DIXDC1: variants seen among roughly 807,000 people sequenced by gnomAD.
DIXDC1 encodes the protein dixin.
In DIXDC1, 64 loss-of-function variants were observed where a neutral mutation model predicts 103.1. That is an observed-to-expected ratio of 0.62 (90% CI 0.51 to 0.76). The LOEUF is 0.76. Ranked by LOEUF, DIXDC1 falls within the 30% of genes least tolerant of loss-of-function variation. DIXDC1 has a pLI of 0.00. For synonymous variants in DIXDC1, 266 were observed against 298.5 expected (o/e 0.89, Z 1.12); for missense variants, 759 against 834.2 (o/e 0.91, Z 1.11).
chr11:111,978,159 T>G (rs1329166034), intron 5 of DIXDC1, among the ~76,000 whole-genome samples: 13 of 152,182 alleles, frequency 8.5e-5, no homozygotes, highest in African/African-American at 2.9e-4. Context: ...CTATTAGACC[T>G]GTGGGAATTA....
chr11:112,008,758 T>C (rs902242069), intron 17 of DIXDC1, among the ~76,000 whole-genome samples: 1 of 152,068 alleles, frequency 6.6e-6, no homozygotes, highest in Non-Finnish European at 1.5e-5. Context: ...TTGAAACCAA[T>C]GAGAACAAAG....
At chr11:112,004,090 G>GTATA (rs200194840) in intron 17 of DIXDC1, among the ~76,000 whole-genome samples, 1 of 145,634 alleles carries the variant, frequency 6.9e-6, no homozygotes, top group African/African-American at 2.6e-5. Flanking sequence ...GTGTATATGT[G>GTATA]TATATATATG....
At chr11:112,013,797 A>G (rs1214243953) in intron 17 of DIXDC1, among the ~76,000 whole-genome samples, 4 of 152,134 alleles carry the variant, frequency 2.6e-5, no homozygotes, top group Non-Finnish European at 5.9e-5. Flanking sequence ...TGTTGCCATA[A>G]AGGAATACCT....
chr11:111,967,855 G>A (rs782820278), intron 2 of DIXDC1, among the ~76,000 whole-genome samples: 5 of 152,278 alleles, frequency 3.3e-5, no homozygotes, highest in South Asian at 2.1e-4. Context: ...AGAAAGCCCC[G>A]CCTGCCCTGG....
chr11:111,979,416 GGTGATA>G (rs747224219), intron 5 of DIXDC1, among the ~76,000 whole-genome samples: 182 of 152,270 alleles, frequency 1.2e-3, no homozygotes, highest in Non-Finnish European at 2.0e-3. Flanking sequence ...CTGTTGTCTG[GGTGATA>G]GATTTGGAAA....
rs979024246 is a variant in DIXDC1, at chr11:111,958,950, C to A, written c.61-5599C>A. The stretch of plus-strand genomic sequence containing the variant: ...AAAACCAGCCAAGGAGAAGAGCTAC[C>A]CACTCCAGGGTCTTCACTCTGCTGA... On this transcript the variant is annotated intron_variant, in intron 1 of 19. Transcript: ENST00000440460. The surrounding 1 kb of genome is among the most constrained non-coding windows in gnomAD (Gnocchi z 4.2). Among the ~76,000 whole-genome samples the A allele has an allele frequency of 1.4e-4, 21 of 152,126 alleles. No homozygotes were observed. Among genetic ancestry groups the A allele is most frequent in the African/African-American group, 5.1e-4 (21 of 41,426 alleles).
Position 111,974,953 on chromosome 11 carries a change from A to G in DIXDC1, c.626A>G (p.Gln209Arg). ...CTAGTGCAGCAGTACGAAGGGCAAC[A>G]AAGGTCCCCGTCTGAATCCAGCTGC... ...RALVQQYEGQQRSPSESSCSS... is the reference protein window; with the variant it reads ...RALVQQYEGQRRSPSESSCSS... Residue 209 changes from glutamine (Q) to arginine (R), a missense_variant, in exon 5 of 20, where the codon CAA becomes CGA. By Grantham distance (43) the Gln-to-Arg change is conservative. Coordinates refer to ENST00000440460, the MANE Select transcript of DIXDC1 (RefSeq NM_001037954.4). The G allele has an allele frequency of 6.2e-7, 1 of 1,613,262 alleles. No individual in the cohort carries two copies. The highest frequency in any genetic ancestry group is 8.5e-7 in the Non-Finnish European group (1 of 1,179,730).
At position 112,022,452 on chromosome 11, in the gene DIXDC1, C is replaced by G. The variant is rs1329977471; in HGVS notation, c.*3416C>G. 1 of 152,604 alleles carries G rather than the reference C, an allele frequency of 6.6e-6. No homozygotes were observed. Among genetic ancestry groups the G allele is most frequent in the Non-Finnish European group, 1.5e-5 (1 of 68,026 alleles). 9.5% of individuals were successfully genotyped at this position (152,604 alleles called of 1,614,324 possible). A position where few individuals can be genotyped will look rare whatever the true frequency, so the allele number is the denominator to read the frequency against. On this transcript the variant is annotated 3_prime_UTR_variant, in exon 20 of 20. Coordinates refer to ENST00000440460, the MANE Select transcript of DIXDC1 (RefSeq NM_001037954.4). This position sits in a 1 kb window ranked among gnomAD's most constrained non-coding sequence, Gnocchi z 4.9. ...TTCTCCCTGTTTTACAATATGTTTT[C>G]ATGAAGACTATGTTACACCAGAGGC...
At chr11:111,942,117 CT>C (rs1966440490) in intron 1 of DIXDC1, among the ~76,000 whole-genome samples, 1 of 152,198 alleles carries the variant, frequency 6.6e-6, no homozygotes, top group Admixed American at 6.5e-5. Flanking sequence ...CCCCAACCTT[CT>C]TTTTTCTATC....
At position 111,980,722 on chromosome 11, in the gene DIXDC1, T is replaced by G. The variant is rs1860268726; in HGVS notation, c.657-15T>G. The G allele has an allele frequency of 6.2e-7, 1 of 1,603,558 alleles. No homozygotes were observed. Among genetic ancestry groups the G allele is most frequent in the Non-Finnish European group, 8.5e-7 (1 of 1,172,946 alleles). Reference sequence around the variant, plus strand: ...TTCATAATAATCGTTTTTCTTCCTTTTTCTTCAATCACAGCCTGACTTCAC... The same window carrying G: ...TTCATAATAATCGTTTTTCTTCCTTGTTCTTCAATCACAGCCTGACTTCAC... On this transcript the variant is annotated splice_polypyrimidine_tract_variant and intron_variant, in intron 5 of 19. Transcript: ENST00000440460.
At chr11:111,943,391 G>T (rs1379259492) in intron 1 of DIXDC1, among the ~76,000 whole-genome samples, 3 of 151,680 alleles carry the variant, frequency 2.0e-5, no homozygotes, top group African/African-American at 7.3e-5. Context: ...TGATCCACCT[G>T]CCTCAGCCTC....
intron 1 of DIXDC1, among the ~76,000 whole-genome samples, chr11:111,938,266 T>A (rs1966289302): frequency 6.6e-6 from 1 of 152,176 alleles, no homozygotes; most frequent in African/African-American, 2.4e-5. Context: ...CAATTCTGTT[T>A]ATTGCATTTG....
rs782713707 is a variant in DIXDC1 at position 112,017,820 on chromosome 11, C to T, written c.1906C>T (p.Arg636Trp). The T allele has an allele frequency of 1.5e-5, 24 of 1,611,428 alleles. No individual in the cohort carries two copies. In the South Asian group the frequency reaches 2.1e-4, roughly 14 times the overall value. The change falls in exon 19 of 20, where the codon CGG (arginine) becomes TGG (tryptophan). Residue 636 changes from arginine to tryptophan, a missense_variant. Physicochemically the swap from Arg to Trp is moderately radical, Grantham distance 101. Transcript: ENST00000440460. This position sits in a 1 kb window ranked among gnomAD's most constrained non-coding sequence, Gnocchi z 4.0. The stretch of plus-strand genomic sequence containing the variant: ...AAAGGATTTTAAAGCAGCTATTGAT[C>T]GGGAAGGAAATCACCGGTATCACTT... Reference protein sequence around the residue: ...TLKDFKAAIDREGNHRYHFKA... With the variant: ...TLKDFKAAIDWEGNHRYHFKA...
intron 1 of DIXDC1, among the ~76,000 whole-genome samples, chr11:111,928,244 A>G (rs587651242): frequency 2.0e-5 from 3 of 151,846 alleles, no homozygotes; most frequent in African/African-American, 4.8e-5. Context: ...TCTGTAGCCT[A>G]TTTTCTATAT....
intron 1 of DIXDC1, among the ~76,000 whole-genome samples, chr11:111,940,156 A>G (rs1031333309): frequency 1.3e-5 from 2 of 152,296 alleles, no homozygotes; most frequent in East Asian, 1.9e-4. Context: ...CCCTCTACCC[A>G]CTGTTGGCTT....
chr11:111,986,630 C>G (rs1860499558), intron 8 of DIXDC1, among the ~76,000 whole-genome samples: 1 of 152,060 alleles, frequency 6.6e-6, no homozygotes. Flanking sequence ...TCCCAAAGTG[C>G]TGGGATTACA....
At chr11:111,932,027 C>CTTTTT (rs59805759) in intron 2 of DIXDC1, among the ~76,000 whole-genome samples, 4 of 99,136 alleles carry the variant, frequency 4.0e-5, no homozygotes, top group African/African-American at 8.9e-5. Context: ...GGCAGATAAC[C>CTTTTT]TTTTTTTTTT....
chr11:111,967,297 CT>C lies in DIXDC1; in HGVS notation c.191-1213del, dbSNP rs587743218. On this transcript the variant is annotated intron_variant, in intron 2 of 19. Transcript: ENST00000440460. ...TGGATGTCCTTCCCCCTACCAATCCCTTTATTCTCCAAGTTTCTTCATCAGA... is the reference window on the plus strand; with the variant it reads ...TGGATGTCCTTCCCCCTACCAATCCCTTATTCTCCAAGTTTCTTCATCAGA... Among the ~76,000 whole-genome samples, 5 of 152,344 alleles carry C rather than the reference CT, an allele frequency of 3.3e-5. No individual in the cohort carries two copies. In the South Asian group the frequency reaches 1.0e-3, roughly 32 times the overall value.
intron 10 of DIXDC1, among the ~76,000 whole-genome samples, chr11:111,989,495 G>T (rs1012705241): frequency 6.6e-6 from 1 of 151,608 alleles, no homozygotes; most frequent in Non-Finnish European, 1.5e-5. Context: ...GTGGTGGCAG[G>T]CACCTGTAAT....
Sources: gnomAD v4.1 joint callset for allele counts (sites outside exome capture counted in the v4.1 genomes callset) on GRCh38, gnomAD v4.1.1 for gene constraint, Gnocchi (gnomAD v3.1) non-coding constraint, MANE v1.5 for transcripts, NCBI Gene and HGNC (gene_info 2026-07-23, HGNC 2026-07-21) for gene names.